The following PKIB variants were observed in gnomAD, a reference collection of about 807,000 sequenced individuals.
PKIB encodes the protein PKI-beta.
In PKIB, 2 loss-of-function variants were observed where a neutral mutation model predicts 4.5. That is an observed-to-expected ratio of 0.44 (90% CI 0.18 to 1.39). The LOEUF is 1.39. Ranked by LOEUF, PKIB falls within the 40% of genes most tolerant of loss-of-function variation. The pLI, the probability that PKIB is intolerant of heterozygous loss-of-function variation, is 0.27. For missense variants in PKIB, 94 were observed against 92.6 expected, an observed-to-expected ratio of 1.02 and a Z score of -0.06; for synonymous variants, 38 against 36.0, an observed-to-expected ratio of 1.06 and a Z score of -0.20.
chr6:122,718,846 A>G (rs1173154137), intron 4 of PKIB, among the ~76,000 whole-genome samples: 2 of 152,078 alleles, frequency 1.3e-5, no homozygotes, highest in African/African-American at 4.8e-5. Context: ...AAATAGTTAT[A>G]TCCTTGTAGG....
chr6:122,637,754 C>CAA (rs35786177), intron 2 of PKIB, among the ~76,000 whole-genome samples: 10 of 118,146 alleles, frequency 8.5e-5, no homozygotes, highest in Non-Finnish European at 1.2e-4. Flanking sequence ...GACTCCGTCT[C>CAA]AAAAAAAAAA....
chr6:122,636,940 C>T (rs1350973675), intron 2 of PKIB, among the ~76,000 whole-genome samples: 1 of 152,148 alleles, frequency 6.6e-6, no homozygotes, highest in African/African-American at 2.4e-5. Flanking sequence ...AGAAAGACCA[C>T]ATTTCATGTT....
chr6:122,617,171 T>C (rs1256596659), intron 1 of PKIB, among the ~76,000 whole-genome samples: 2 of 152,114 alleles, frequency 1.3e-5, no homozygotes, highest in Non-Finnish European at 2.9e-5. Flanking sequence ...ATCTACCGTA[T>C]GCACTACCTA....
chr6:122,526,705 A>T (rs1038619176), intron 2 of PKIB, among the ~76,000 whole-genome samples: 9 of 152,126 alleles, frequency 5.9e-5, no homozygotes, highest in African/African-American at 2.2e-4. Flanking sequence ...GCACAAGCAG[A>T]GTAGATTTGG....
intron 3 of PKIB, among the ~76,000 whole-genome samples, chr6:122,588,905 T>A (rs1339550621): frequency 6.6e-6 from 1 of 152,156 alleles, no homozygotes; most frequent in East Asian, 1.9e-4. Flanking sequence ...AAAGGGTTAG[T>A]CTTGGTTTCT....
intron 3 of PKIB, among the ~76,000 whole-genome samples, chr6:122,594,466 A>C (rs1274385919): frequency 6.6e-6 from 1 of 152,124 alleles, no homozygotes; most frequent in Non-Finnish European, 1.5e-5. Context: ...CAGCCTCCCA[A>C]AGTGCTGGGA....
intron 1 of PKIB, among the ~76,000 whole-genome samples, chr6:122,631,865 G>A (rs546206054): frequency 6.6e-5 from 10 of 152,218 alleles, no homozygotes; most frequent in South Asian, 2.1e-4. Context: ...CTAACTTAGA[G>A]TGGCTAACAT....
intron 2 of PKIB, among the ~76,000 whole-genome samples, chr6:122,489,301 G>A (rs574665001): frequency 1.3e-5 from 2 of 152,118 alleles, no homozygotes; most frequent in South Asian, 4.1e-4. Context: ...AGGCTGGAGT[G>A]CAGTGGTACA....
intron 2 of PKIB, among the ~76,000 whole-genome samples, chr6:122,555,269 A>G (rs1772804898): frequency 6.6e-6 from 1 of 152,196 alleles, no homozygotes. Context: ...CATTTTCAGC[A>G]GAAGGACCAA....
At chr6:122,507,137 T>TA (rs1776435666) in intron 2 of PKIB, among the ~76,000 whole-genome samples, 1 of 152,198 alleles carries the variant, frequency 6.6e-6, no homozygotes, top group Non-Finnish European at 1.5e-5. Flanking sequence ...AAATAAATGA[T>TA]AGAGTACTGG....
intron 2 of PKIB, among the ~76,000 whole-genome samples, chr6:122,645,352 C>A (rs1776269334): frequency 6.6e-6 from 1 of 152,006 alleles, no homozygotes; most frequent in Non-Finnish European, 1.5e-5. Context: ...GTGAAAGAGG[C>A]CATTGGAATT....
chr6:122,639,768 A>G (rs868862992), intron 2 of PKIB, among the ~76,000 whole-genome samples: 3 of 152,194 alleles, frequency 2.0e-5, no homozygotes, highest in Non-Finnish European at 4.4e-5. Flanking sequence ...ATTTTTGCTT[A>G]ATCAAGGGAA....
At chr6:122,640,741 G>A (rs916509757) in intron 2 of PKIB, among the ~76,000 whole-genome samples, 21 of 152,124 alleles carry the variant, frequency 1.4e-4, no homozygotes, top group African/African-American at 4.8e-4. Context: ...AGTGATTGCC[G>A]GTAAGAACGT....
At chr6:122,561,768 G>A (rs1362972068) in intron 2 of PKIB, among the ~76,000 whole-genome samples, 1 of 151,866 alleles carries the variant, frequency 6.6e-6, no homozygotes, top group Non-Finnish European at 1.5e-5. Flanking sequence ...TGCATGAAAT[G>A]CCTTTTTCCA....
At chr6:122,614,787 AGTGTGTGT>A (rs1045948502) in intron 1 of PKIB, among the ~76,000 whole-genome samples, 2 of 152,142 alleles carry the variant, frequency 1.3e-5, no homozygotes, top group African/African-American at 4.8e-5. Context: ...TCTTAAAATC[AGTGTGTGT>A]GTATGTGTAT....
intron 2 of PKIB, among the ~76,000 whole-genome samples, chr6:122,667,231 A>T (rs151313816): frequency 0.013 from 1,915 of 152,308 alleles, 41 homozygotes; most frequent in African/African-American, 0.042. Flanking sequence ...GATGCCTAAC[A>T]ATTTCCTCTT....
At chr6:122,534,830 T>C (rs1244901875) in intron 2 of PKIB, among the ~76,000 whole-genome samples, 1 of 152,136 alleles carries the variant, frequency 6.6e-6, no homozygotes, top group African/African-American at 2.4e-5. Flanking sequence ...AGGGTAACTT[T>C]GAATTAAAAG....
rs149971061 is a variant in PKIB, at chr6:122,622,887, C to T, written c.-160-10396C>T. ...GATTTAATTAAACATGAACTTGGGG[C>T]AGGGCAGGTAGTTCTGGCAGCTAGA... On this transcript the variant is annotated intron_variant, in intron 1 of 4. Coordinates refer to ENST00000368452, the MANE Select transcript of PKIB (RefSeq NM_181795.3). Among the ~76,000 whole-genome samples, 5 of 152,256 alleles carry T rather than the reference C, an allele frequency of 3.3e-5. No homozygotes were observed. The East Asian group carries it at 9.6e-4, about 29-fold the overall frequency.
chr6:122,695,262 T>A (rs565438481), intron 3 of PKIB, among the ~76,000 whole-genome samples: 1 of 152,278 alleles, frequency 6.6e-6, no homozygotes, highest in African/African-American at 2.4e-5. Context: ...AATATTTAAA[T>A]TATATTAGAT....
Sources: allele counts gnomAD v4.1 joint callset (sites outside exome capture counted in the v4.1 genomes callset), GRCh38; gene constraint gnomAD v4.1.1; transcripts MANE v1.5; gene names NCBI Gene and HGNC (gene_info 2026-07-23, HGNC 2026-07-21).